MIIP: variants seen among roughly 807,000 people sequenced by gnomAD.
MIIP encodes migration and invasion-inhibitory protein.
Under a neutral mutation model 44.8 loss-of-function variants are expected in MIIP, and 44 were observed. The ratio of observed to expected loss-of-function variants is 0.98; its 90% confidence interval spans 0.77 to 1.26. The LOEUF (loss-of-function observed/expected upper bound fraction) is 1.26. MIIP is among the 50% of genes most tolerant of loss of function. The pLI, the probability that MIIP is intolerant of heterozygous loss-of-function variation, is 0.00. For synonymous variants in MIIP, 225 were observed against 218.3 expected (o/e 1.03, Z -0.27); for missense variants, 496 against 511.7 (o/e 0.97, Z 0.30).
chr1:12,022,949 G>A (rs1557549523), intron 4 of MIIP, 32 bp downstream of exon 4: 6 of 1,554,784 alleles, frequency 3.9e-6, no homozygotes, highest in East Asian at 4.7e-5. Flanking sequence ...CACACACTTT[G>A]CCTGGGAGTG....
At chr1:12,029,940 C>A in intron 7 of MIIP, 46 bp downstream of exon 7, 2 of 1,609,996 alleles carry the variant, frequency 1.2e-6, no homozygotes, top group Non-Finnish European at 1.7e-6. Context: ...AGAGCCTGAA[C>A]CACTGGTTTT....
chr1:12,026,173 C>T (rs1263408957), intron 4 of MIIP, among the ~76,000 whole-genome samples: 4 of 152,132 alleles, frequency 2.6e-5, no homozygotes, highest in Non-Finnish European at 4.4e-5. Context: ...GGTGTGGTGG[C>T]GGGCACCTAT....
chr1:12,029,274 C>G lies in MIIP; in HGVS notation c.708C>G (p.Asp236Glu). The change falls in exon 6 of 10, where the codon GAC becomes GAG. Residue 236 changes from aspartate to glutamate, a missense_variant. Transcript: ENST00000235332. ...RESSGSGVEEDHECVYCYRVN... is the reference protein window; with the variant it reads ...RESSGSGVEEEHECVYCYRVN... ...GCAGTGGCAGCGGCGTGGAGGAAGA[C>G]CATGAATGTGAGTGCGGGCCCTCGG... 2 of 1,613,320 alleles carry G rather than the reference C, an allele frequency of 1.2e-6. No homozygotes were observed. Among genetic ancestry groups the G allele is most frequent in the Non-Finnish European group, 1.7e-6 (2 of 1,179,794 alleles).
Position 12,029,869 on chromosome 1 carries a change from A to G in MIIP, c.820A>G (p.Thr274Ala). 6.2e-7 allele frequency: 1 copy of G among 1,612,872 alleles called. No homozygotes were observed. The highest frequency in any genetic ancestry group is 8.5e-7 in the Non-Finnish European group (1 of 1,179,402). The change falls in exon 7 of 10, where the codon ACC becomes GCC. Residue 274 changes from threonine to alanine, a missense_variant. Transcript: ENST00000235332. Reference protein sequence around the residue: ...RTPRDQQGPGTLAQPAHVRVS... With the variant: ...RTPRDQQGPGALAQPAHVRVS... The stretch of plus-strand genomic sequence containing the variant: ...ACCGCGAGACCAGCAGGGCCCTGGG[A>G]CCCTGGCGCAGCCAGCGCACGTCAG...
chr1:12,029,097 G>C lies in MIIP; in HGVS notation c.612G>C (p.Glu204Asp). ...AGGCCTTCTTCTCCAAGCTGCAGGA[G>C]TTTCGGGAAACCAACAAGGAGGAGT... Reference protein sequence around the residue: ...QPEAFFSKLQEFRETNKEECI... With the variant: ...QPEAFFSKLQDFRETNKEECI... Residue 204 changes from glutamate to aspartate, a missense_variant, in exon 5 of 10, where the codon GAG becomes GAC. Transcript: ENST00000235332. 1 of 1,614,166 alleles carries C rather than the reference G, an allele frequency of 6.2e-7. No homozygotes were observed. The highest frequency in any genetic ancestry group is 8.5e-7 in the Non-Finnish European group (1 of 1,180,010).
chr1:12,023,166 T>G (rs1192434281), intron 4 of MIIP, among the ~76,000 whole-genome samples: 1 of 148,054 alleles, frequency 6.8e-6, no homozygotes, highest in Non-Finnish European at 1.5e-5. Flanking sequence ...CAGGTTCAAG[T>G]GATTCTCATC....
intron 4 of MIIP, among the ~76,000 whole-genome samples, chr1:12,026,689 C>A (rs561021394): frequency 3.3e-5 from 5 of 152,304 alleles, no homozygotes; most frequent in African/African-American, 1.2e-4. Flanking sequence ...CACCAGGCAC[C>A]GCTCCGAGCT....
intron 6 of MIIP, 70 bp downstream of exon 6, chr1:12,029,351 G>T: frequency 6.7e-7 from 1 of 1,502,078 alleles, no homozygotes; most frequent in Non-Finnish European, 9.1e-7. Context: ...CCCTGCCCCA[G>T]AGCAGTCCCA....
rs1384898591 is a variant in MIIP at position 12,022,252 on chromosome 1, G to C, written c.272G>C (p.Gly91Ala). The change falls in exon 3 of 10, where the codon GGG (glycine) becomes GCG (alanine). Residue 91 changes from glycine (G) to alanine (A), a missense_variant. Transcript: ENST00000235332. ...GACCTCCGTGATGTGGCCAGATCGG[G>C]GGTGGCCTCTCTCCCACCTGCCAAA... ...RGDLRDVARS[G>A]VASLPPAKCQ... is the part of the protein sequence containing the mutation. 1 of 1,613,574 alleles carries C rather than the reference G, an allele frequency of 6.2e-7. No homozygotes were observed. The highest frequency in any genetic ancestry group is 8.5e-7 in the Non-Finnish European group (1 of 1,179,836).
In MIIP at chr1:12,030,222, A is replaced by G. The variant is rs1640207561; in HGVS notation, c.942+98A>G. Reference sequence around the variant, plus strand: ...GTCACAGAGCGAGACTGGGCTCGACAAGGGTGAGCGCCCAAGTCTCTGGAG... The same window carrying G: ...GTCACAGAGCGAGACTGGGCTCGACGAGGGTGAGCGCCCAAGTCTCTGGAG... On this transcript the variant is annotated intron_variant, in intron 8 of 9. Coordinates refer to ENST00000235332, the MANE Select transcript of MIIP (RefSeq NM_021933.4). 9 of 1,158,510 alleles carry G rather than the reference A, an allele frequency of 7.8e-6. No individual in the cohort carries two copies. In the East Asian group the frequency reaches 1.0e-4, roughly 13 times the overall value. The allele number at this position is 1,158,510 out of a possible 1,614,324, so 71.8% of individuals were successfully genotyped here.
chr1:12,030,634 C>T (rs1640222445), intron 8 of MIIP, among the ~76,000 whole-genome samples: 1 of 140,018 alleles, frequency 7.1e-6, no homozygotes, highest in African/African-American at 2.7e-5. Context: ...ATGGTCTCAG[C>T]TCACTGCAGC....
intron 4 of MIIP, among the ~76,000 whole-genome samples, chr1:12,026,353 C>T (rs928626406): frequency 1.3e-5 from 2 of 152,100 alleles, no homozygotes; most frequent in African/African-American, 2.4e-5. Context: ...CAACTGGTGG[C>T]GGGGACACAG....
intron 9 of MIIP, 139 bp downstream of exon 9, chr1:12,031,542 G>GTCCAGCCC (rs1640242934): frequency 2.5e-6 from 4 of 1,575,170 alleles, no homozygotes; most frequent in East Asian, 4.5e-5. Context: ...TCTCTGCAGG[G>GTCCAGCCC]TCCAGCCCTC....
intron 4 of MIIP, among the ~76,000 whole-genome samples, chr1:12,028,318 A>G (rs1293786771): frequency 2.0e-5 from 3 of 152,184 alleles, no homozygotes; most frequent in Non-Finnish European, 4.4e-5. Flanking sequence ...AACTTGAAGC[A>G]GCCAGAGGAG....
chr1:12,028,161 C>T lies in MIIP; in HGVS notation c.548-872C>T, dbSNP rs534371291. ...GGCAGAGGTTGCAGTGAGCCGAGGTCGCTCCACTGCACTGCACCCTGGGCA... is the reference window on the plus strand; with the variant it reads ...GGCAGAGGTTGCAGTGAGCCGAGGTTGCTCCACTGCACTGCACCCTGGGCA... On this transcript the variant is annotated intron_variant, in intron 4 of 9. Coordinates refer to ENST00000235332, the MANE Select transcript of MIIP (RefSeq NM_021933.4). 8.4e-4 allele frequency among the ~76,000 whole-genome samples: 128 copies of T among 152,252 alleles called. 1 individual carries two copies. The highest frequency in any genetic ancestry group is 2.9e-3 in the African/African-American group (120 of 41,552).
At position 12,022,212 on chromosome 1, in the gene MIIP, G is replaced by C; in HGVS notation, c.232G>C (p.Asp78His). 6.2e-7 allele frequency: 1 copy of C among 1,613,152 alleles called. No individual in the cohort carries two copies. The change falls in exon 3 of 10, where the codon GAT (aspartate) becomes CAT (histidine). Residue 78 changes from aspartate (D) to histidine (H), a missense_variant. Transcript: ENST00000235332. ...RGRSSVWGPP[D>H]ACRGDLRDVA... ...CCGGTCCTCCGTGTGGGGCCCACCA[G>C]ATGCCTGTCGAGGGGACCTCCGTGA... is the stretch of plus-strand genomic sequence containing the variant.
chr1:12,030,252 G>A, intron 8 of MIIP, 128 bp downstream of exon 8: 1 of 838,648 alleles, frequency 1.2e-6, no homozygotes, highest in Non-Finnish European at 1.9e-6. Context: ...CTGGAGCACA[G>A]CCTGGGCCTC....
At chr1:12,030,578 T>G (rs1179598754) in intron 8 of MIIP, among the ~76,000 whole-genome samples, 7 of 147,584 alleles carry the variant, frequency 4.7e-5, no homozygotes, top group Admixed American at 1.3e-4. Flanking sequence ...TTTTTTTTTT[T>G]TGAGACCGAG....
In MIIP at chr1:12,029,896, T is replaced by G. The variant is rs768640719; in HGVS notation, c.845+2T>G. On this transcript the variant is annotated splice_donor_variant, in intron 7 of 9. Coordinates refer to ENST00000235332, the MANE Select transcript of MIIP (RefSeq NM_021933.4). LOFTEE classifies it high-confidence loss of function. ...CCTGGCGCAGCCAGCGCACGTCAGG[T>G]GAGTGACCAGAGTATTGGGACACCT... is the stretch of plus-strand genomic sequence containing the variant. 1.9e-6 allele frequency: 3 copies of G among 1,612,436 alleles called. No homozygotes were observed.
Sources: gnomAD v4.1 joint callset for allele counts (sites outside exome capture counted in the v4.1 genomes callset) on GRCh38, gnomAD v4.1.1 for gene constraint, MANE v1.5 for transcripts, NCBI Gene and HGNC (gene_info 2026-07-23, HGNC 2026-07-21) for gene names.